The following DISC1 variants were observed in gnomAD, a reference collection of about 807,000 sequenced individuals.
The protein encoded by DISC1 is disrupted in schizophrenia 1 protein.
A neutral mutation model predicts 84.5 loss-of-function variants in DISC1; 57 were observed. The observed-to-expected ratio is 0.67, with a 90% CI of 0.55 to 0.84. DISC1 has a LOEUF of 0.84. Among genes scored for constraint, DISC1 ranks in the 40% least tolerant of loss-of-function variants. The probability of loss-of-function intolerance (pLI) is 0.00; values close to 1 mark genes in which losing one functional copy is unlikely to be tolerated. For missense variants in DISC1, 1,000 were observed against 1,057.8 expected, an observed-to-expected ratio of 0.95 and a Z score of 0.76; for synonymous variants, 411 against 415.2, an observed-to-expected ratio of 0.99 and a Z score of 0.12.
At chr1:231,867,745 A>C (rs1279503159) in intron 9 of DISC1, among the ~76,000 whole-genome samples, 1 of 152,218 alleles carries the variant, frequency 6.6e-6, no homozygotes, top group Non-Finnish European at 1.5e-5. Context: ...TAGAAAGAAA[A>C]GTTTTAAGTC....
At chr1:231,966,811 A>G (rs1661180043) in intron 10 of DISC1, among the ~76,000 whole-genome samples, 1 of 152,212 alleles carries the variant, frequency 6.6e-6, no homozygotes, top group African/African-American at 2.4e-5. Flanking sequence ...TTAGTGGATT[A>G]TAGCTGATGT....
At chr1:232,000,629 C>CT (rs1345515893) in intron 10 of DISC1, among the ~76,000 whole-genome samples, 2 of 152,102 alleles carry the variant, frequency 1.3e-5, no homozygotes, top group Non-Finnish European at 2.9e-5. Context: ...AAAAATAAAT[C>CT]CACACTAAGA....
chr1:231,936,707 C>G (rs2091001334), intron 9 of DISC1, among the ~76,000 whole-genome samples: 1 of 152,156 alleles, frequency 6.6e-6, no homozygotes, highest in Non-Finnish European at 1.5e-5. Context: ...CTGCTCTTTA[C>G]CTTTGTGTCT....
At chr1:231,936,325 C>T (rs2090978335) in intron 9 of DISC1, among the ~76,000 whole-genome samples, 1 of 152,128 alleles carries the variant, frequency 6.6e-6, no homozygotes, top group African/African-American at 2.4e-5. Context: ...CCTAGTTTTC[C>T]CAGCATCTAG....
At chr1:231,733,307 G>A (rs1221141767) in intron 3 of DISC1, among the ~76,000 whole-genome samples, 1 of 151,090 alleles carries the variant, frequency 6.6e-6, no homozygotes, top group African/African-American at 2.4e-5. Context: ...GAGTGGTGGT[G>A]ATGGTAGGAG....
chr1:231,963,854 C>G lies in DISC1; in HGVS notation c.2042+4966C>G, dbSNP rs144077746. On this transcript the variant is annotated intron_variant, in intron 10 of 12. Transcript: ENST00000439617. ...GGGTCTGCGTGAGAGGGTCATGATCCATGTGAGCAAGCAGAGGGTACGTGA... is the reference window on the plus strand; with the variant it reads ...GGGTCTGCGTGAGAGGGTCATGATCGATGTGAGCAAGCAGAGGGTACGTGA... 3.7e-3 allele frequency among the ~76,000 whole-genome samples: 567 copies of G among 152,184 alleles called. 6 individuals are homozygous for G. Among genetic ancestry groups the G allele is most frequent in the African/African-American group, 0.013 (538 of 41,516 alleles).
intron 3 of DISC1, among the ~76,000 whole-genome samples, chr1:231,713,686 TATATATATATATAGGAG>T (rs1400372522): frequency 2.3e-4 from 28 of 121,372 alleles, no homozygotes; most frequent in African/African-American, 9.6e-4. Flanking sequence ...AGCAGATATA[TATATATATATATAGGAG>T]ATATATATAT....
intron 1 of DISC1, among the ~76,000 whole-genome samples, chr1:231,689,076 A>T (rs2064668144): frequency 6.6e-6 from 1 of 152,226 alleles, no homozygotes; most frequent in Non-Finnish European, 1.5e-5. Flanking sequence ...ATATTTGGTT[A>T]GCCTGAATGT....
At chr1:232,004,175 T>A (rs1667050708) in intron 10 of DISC1, among the ~76,000 whole-genome samples, 1 of 151,702 alleles carries the variant, frequency 6.6e-6, no homozygotes, top group Admixed American at 6.6e-5. Context: ...TTACAGAAGC[T>A]AATAAAAAGT....
At chr1:231,786,879 G>T (rs2077907771) in intron 6 of DISC1, among the ~76,000 whole-genome samples, 3 of 152,192 alleles carry the variant, frequency 2.0e-5, no homozygotes, top group Admixed American at 2.0e-4. Context: ...CTGGCAGGAT[G>T]CAGCCTCCTG....
chr1:231,828,519 T>G (rs911006544), intron 9 of DISC1, among the ~76,000 whole-genome samples: 1 of 152,164 alleles, frequency 6.6e-6, no homozygotes, highest in East Asian at 1.9e-4. Flanking sequence ...GATTCTCCCC[T>G]AAAGATTATA....
At chr1:231,635,826 A>G (rs201833777) in intron 1 of DISC1, among the ~76,000 whole-genome samples, 1 of 152,216 alleles carries the variant, frequency 6.6e-6, no homozygotes, top group Non-Finnish European at 1.5e-5. Flanking sequence ...GTTTGTATAT[A>G]TATGTGTAAA....
intron 11 of DISC1, among the ~76,000 whole-genome samples, chr1:232,025,497 T>G (rs1669361148): frequency 6.6e-6 from 1 of 152,100 alleles, no homozygotes; most frequent in African/African-American, 2.4e-5. Flanking sequence ...AAGACTTAAT[T>G]GTTCATTCAT....
At chr1:231,923,128 A>G (rs1037288705) in intron 9 of DISC1, among the ~76,000 whole-genome samples, 1 of 150,688 alleles carries the variant, frequency 6.6e-6, no homozygotes, top group East Asian at 2.0e-4. Flanking sequence ...ACACACACAC[A>G]AAAAAAAAGT....
chr1:231,963,043 C>G (rs1660601287), intron 10 of DISC1, among the ~76,000 whole-genome samples: 1 of 152,202 alleles, frequency 6.6e-6, no homozygotes, highest in Admixed American at 6.5e-5. Flanking sequence ...ACCACCTTCT[C>G]CAGGTGGTTT....
chr1:231,732,258 A>G (rs1351972584), intron 3 of DISC1, among the ~76,000 whole-genome samples: 2 of 152,238 alleles, frequency 1.3e-5, no homozygotes, highest in Non-Finnish European at 2.9e-5. Context: ...AGGGTTTCTC[A>G]TACATCGCAT....
chr1:231,730,999 T>G (rs981310596), intron 3 of DISC1, among the ~76,000 whole-genome samples: 8 of 152,100 alleles, frequency 5.3e-5, no homozygotes, highest in Non-Finnish European at 8.8e-5. Context: ...AAAAAAAAAA[T>G]CACAGTTTTT....
intron 1 of DISC1, among the ~76,000 whole-genome samples, chr1:231,658,708 A>C (rs1239030210): frequency 6.6e-6 from 1 of 152,182 alleles, no homozygotes; most frequent in Non-Finnish European, 1.5e-5. Flanking sequence ...ATTTTATCGA[A>C]GGCCTTTTCT....
At chr1:231,765,517 C>T (rs991805062) in intron 4 of DISC1, among the ~76,000 whole-genome samples, 9 of 152,142 alleles carry the variant, frequency 5.9e-5, no homozygotes, top group Non-Finnish European at 2.9e-5. Flanking sequence ...TTGTCGTTCG[C>T]CTATTAGTTT....
Sources: allele counts gnomAD v4.1 joint callset (sites outside exome capture counted in the v4.1 genomes callset), GRCh38; gene constraint gnomAD v4.1.1; transcripts MANE v1.5; gene names NCBI Gene and HGNC (gene_info 2026-07-23, HGNC 2026-07-21).